The following KCTD8 variants were observed in gnomAD, a reference collection of about 807,000 sequenced individuals.
The protein encoded by KCTD8 is BTB/POZ domain-containing protein KCTD8.
KCTD8 carries 27 observed loss-of-function variants against 31.5 expected under a neutral mutation model. The ratio of observed to expected loss-of-function variants is 0.86; its 90% CI spans 0.63 to 1.18. The LOEUF is 1.18. Among genes scored for constraint, KCTD8 ranks in the 50% most tolerant of loss-of-function variants. KCTD8 has a pLI of 0.00. For synonymous variants in KCTD8, 290 were observed against 280.0 expected (o/e 1.04, Z -0.36); for missense variants, 658 against 647.7 (o/e 1.02, Z -0.17).
At chr4:44,431,812 G>A (rs1721513227) in intron 1 of KCTD8, among the ~76,000 whole-genome samples, 1 of 151,418 alleles carries the variant, frequency 6.6e-6, no homozygotes, top group Non-Finnish European at 1.5e-5. Flanking sequence ...TATTGATTCT[G>A]TTAAATGATT....
intron 1 of KCTD8, among the ~76,000 whole-genome samples, chr4:44,378,599 T>C (rs1158823586): frequency 6.6e-6 from 1 of 152,068 alleles, no homozygotes; most frequent in African/African-American, 2.4e-5. Context: ...TCTAGAGCAA[T>C]AATTAAGGAT....
chr4:44,329,897 T>G (rs368146815), intron 1 of KCTD8, among the ~76,000 whole-genome samples: 9 of 152,042 alleles, frequency 5.9e-5, no homozygotes, highest in East Asian at 3.9e-4. Context: ...CAACAGTAAA[T>G]GTAACTCTGA....
chr4:44,399,841 G>A (rs1328290693), intron 1 of KCTD8, among the ~76,000 whole-genome samples: 1 of 152,098 alleles, frequency 6.6e-6, no homozygotes, highest in Non-Finnish European at 1.5e-5. Flanking sequence ...TTCCAATAGG[G>A]ATAAATATTA....
chr4:44,204,351 C>A, intron 1 of KCTD8, among the ~76,000 whole-genome samples: 1 of 152,218 alleles, frequency 6.6e-6, no homozygotes, highest in South Asian at 2.1e-4. Flanking sequence ...AGCCCGGCAC[C>A]ACACCCTGGG....
intron 1 of KCTD8, among the ~76,000 whole-genome samples, chr4:44,398,552 G>A (rs927603991): frequency 6.6e-6 from 1 of 152,116 alleles, no homozygotes; most frequent in African/African-American, 2.4e-5. Context: ...ATACTAGAAG[G>A]GTTTTCACTT....
At chr4:44,212,324 A>C (rs1363614794) in intron 1 of KCTD8, among the ~76,000 whole-genome samples, 1 of 152,218 alleles carries the variant, frequency 6.6e-6, no homozygotes, top group Non-Finnish European at 1.5e-5. Flanking sequence ...CAGGGAGGGT[A>C]CATAGGACCT....
intron 1 of KCTD8, among the ~76,000 whole-genome samples, chr4:44,443,129 T>A (rs1560456154): frequency 6.6e-6 from 1 of 152,226 alleles, no homozygotes; most frequent in Non-Finnish European, 1.5e-5. Flanking sequence ...TTTTAAAAAG[T>A]TATCCTCTGC....
chr4:44,282,479 C>A (rs1257710553), intron 1 of KCTD8, among the ~76,000 whole-genome samples: 21 of 152,046 alleles, frequency 1.4e-4, no homozygotes, highest in Admixed American at 7.9e-4. Flanking sequence ...ATTAATAAAC[C>A]TACAATGTCC....
At chr4:44,273,252 T>C (rs1716661747) in intron 1 of KCTD8, among the ~76,000 whole-genome samples, 1 of 151,914 alleles carries the variant, frequency 6.6e-6, no homozygotes, top group African/African-American at 2.4e-5. Flanking sequence ...ATAATACAGG[T>C]AAAGAACAAG....
intron 1 of KCTD8, among the ~76,000 whole-genome samples, chr4:44,382,444 T>A (rs183587786): frequency 6.6e-6 from 1 of 151,954 alleles, no homozygotes; most frequent in East Asian, 1.9e-4. Flanking sequence ...TCAAACAAGA[T>A]GGTCGGGCAT....
intron 1 of KCTD8, among the ~76,000 whole-genome samples, chr4:44,184,955 A>AACAATACT (rs1280441277): frequency 1.3e-5 from 2 of 152,214 alleles, no homozygotes; most frequent in Admixed American, 6.5e-5. Context: ...TCACTGATTA[A>AACAATACT]ACAATACTAT....
intron 1 of KCTD8, among the ~76,000 whole-genome samples, chr4:44,437,231 G>A (rs529952934): frequency 8.5e-4 from 129 of 152,160 alleles, no homozygotes; most frequent in African/African-American, 3.1e-3. Flanking sequence ...AAGTGGCCAA[G>A]GAGCACTCAC....
At chr4:44,325,045 A>C (rs1009673439) in intron 1 of KCTD8, among the ~76,000 whole-genome samples, 3 of 151,998 alleles carry the variant, frequency 2.0e-5, no homozygotes, top group African/African-American at 7.3e-5. Flanking sequence ...GTGGAAAGAT[A>C]ATCTTCTTTC....
At position 44,326,305 on chromosome 4, in the gene KCTD8, G is replaced by A. The variant is rs530562095; in HGVS notation, c.961+121258C>T. The stretch of plus-strand genomic sequence containing the variant: ...TGATTAGACATGATTGGGTGCATGT[G>A]TATATGTCTATTTTGGTAGCTGTCT... On this transcript the variant is annotated intron_variant, in intron 1 of 1. Coordinates refer to ENST00000360029, the MANE Select transcript of KCTD8 (RefSeq NM_198353.3). Among the ~76,000 whole-genome samples, 3 of 151,838 alleles carry A rather than the reference G, an allele frequency of 2.0e-5. No individual in the cohort carries two copies. The South Asian group carries it at 6.2e-4, about 32-fold the overall frequency.
At chr4:44,314,267 T>C (rs977564977) in intron 1 of KCTD8, among the ~76,000 whole-genome samples, 2 of 152,090 alleles carry the variant, frequency 1.3e-5, no homozygotes, top group Admixed American at 6.6e-5. Flanking sequence ...AGATAGAGGA[T>C]TCTGTTTTGG....
At chr4:44,440,899 G>C (rs1229867317) in intron 1 of KCTD8, among the ~76,000 whole-genome samples, 1 of 152,190 alleles carries the variant, frequency 6.6e-6, no homozygotes, top group Non-Finnish European at 1.5e-5. Context: ...ATGATGCCAA[G>C]AGGTACCCTG....
intron 1 of KCTD8, among the ~76,000 whole-genome samples, chr4:44,381,683 T>G (rs998086440): frequency 6.6e-6 from 1 of 151,978 alleles, no homozygotes; most frequent in African/African-American, 2.4e-5. Flanking sequence ...CCCTCATGAA[T>G]GGCTTCATGT....
chr4:44,176,014 G>A (rs1268687020), intron 1 of KCTD8, among the ~76,000 whole-genome samples: 1 of 152,174 alleles, frequency 6.6e-6, no homozygotes, highest in Non-Finnish European at 1.5e-5. Context: ...AATTCACAGT[G>A]TGTTTCCAAA....
At chr4:44,285,116 T>A (rs1288349842) in intron 1 of KCTD8, among the ~76,000 whole-genome samples, 8 of 152,130 alleles carry the variant, frequency 5.3e-5, no homozygotes, top group Admixed American at 3.3e-4. Flanking sequence ...GCAATCCCAT[T>A]ACTGGGCATA....
Sources: allele counts gnomAD v4.1 joint callset (sites outside exome capture counted in the v4.1 genomes callset), GRCh38; gene constraint gnomAD v4.1.1; transcripts MANE v1.5; gene names NCBI Gene and HGNC (gene_info 2026-07-23, HGNC 2026-07-21).